Variants in NFIA observed in about 807,000 individuals in gnomAD.
NFIA encodes the protein nuclear factor I A, also known as nuclear factor 1 A-type.
A neutral mutation model predicts 62.8 loss-of-function variants in NFIA; 8 were observed. The observed-to-expected ratio is 0.13, with a 90% CI of 0.07 to 0.23. The LOEUF (loss-of-function observed/expected upper bound fraction) is 0.23, where lower values mean the gene tolerates loss of function less well. Among genes scored for constraint, NFIA ranks in the 10% least tolerant of loss-of-function variants. The pLI is 1.00. For missense variants in NFIA, 410 were observed against 642.1 expected, an observed-to-expected ratio of 0.64 and a Z score of 3.91; for synonymous variants, 235 against 238.1, an observed-to-expected ratio of 0.99 and a Z score of 0.12.
intron 2 of NFIA, among the ~76,000 whole-genome samples, chr1:61,253,809 T>C (rs781654208): frequency 1.1e-4 from 16 of 152,190 alleles, no homozygotes; most frequent in Non-Finnish European, 1.9e-4. Context: ...TTGTTACTTG[T>C]CTTGGTATCT....
intron 6 of NFIA, among the ~76,000 whole-genome samples, chr1:61,381,136 G>T (rs1664391993): frequency 6.7e-6 from 1 of 149,622 alleles, no homozygotes. Context: ...TTAAAGTTTT[G>T]ATTTTTGTTT....
chr1:61,104,543 C>A (rs1176159534), intron 2 of NFIA, among the ~76,000 whole-genome samples: 1 of 151,924 alleles, frequency 6.6e-6, no homozygotes, highest in Non-Finnish European at 1.5e-5. Context: ...GTAACATAAG[C>A]CTCTCTAAGG....
chr1:61,214,998 C>G (rs1372948381), intron 2 of NFIA, among the ~76,000 whole-genome samples: 1 of 152,086 alleles, frequency 6.6e-6, no homozygotes, highest in African/African-American at 2.4e-5. Flanking sequence ...CCAGGTAGTA[C>G]TATGACAGGA....
chr1:61,271,616 GA>G (rs1657511141), intron 2 of NFIA, among the ~76,000 whole-genome samples: 2 of 152,186 alleles, frequency 1.3e-5, no homozygotes, highest in Non-Finnish European at 2.9e-5. Flanking sequence ...GCTGCTGCAG[GA>G]ACACAGACCT....
intron 2 of NFIA, among the ~76,000 whole-genome samples, chr1:61,117,381 A>G (rs892576776): frequency 6.6e-6 from 1 of 152,136 alleles, no homozygotes; most frequent in African/African-American, 2.4e-5. Flanking sequence ...GGATTGTGAT[A>G]TAGGATTAAC....
intron 2 of NFIA, among the ~76,000 whole-genome samples, chr1:61,102,216 T>G (rs955670096): frequency 2.6e-5 from 4 of 152,216 alleles, no homozygotes; most frequent in African/African-American, 9.6e-5. Context: ...TAGGACATCA[T>G]GAAATTCAAG....
intron 2 of NFIA, among the ~76,000 whole-genome samples, chr1:61,166,173 T>A (rs1243594532): frequency 6.6e-6 from 1 of 152,128 alleles, no homozygotes; most frequent in African/African-American, 2.4e-5. Flanking sequence ...AAGAAAAGAG[T>A]AGGGAAACCT....
chr1:61,201,211 G>A (rs972396380), intron 2 of NFIA, among the ~76,000 whole-genome samples: 16 of 152,158 alleles, frequency 1.1e-4, no homozygotes, highest in African/African-American at 3.9e-4. Context: ...CCTATCTATG[G>A]AAAATATAAT....
intron 2 of NFIA, among the ~76,000 whole-genome samples, chr1:61,224,393 T>G (rs150768083): frequency 6.6e-6 from 1 of 152,314 alleles, no homozygotes; most frequent in East Asian, 1.9e-4. Context: ...TGACGCACAT[T>G]AATATATTAG....
chr1:61,433,631 C>A (rs1667201964), intron 10 of NFIA, among the ~76,000 whole-genome samples: 1 of 152,010 alleles, frequency 6.6e-6, no homozygotes, highest in African/African-American at 2.4e-5. Flanking sequence ...TAATGAATAC[C>A]TAACAAATGA....
chr1:61,184,702 C>T (rs1156942622), intron 2 of NFIA, among the ~76,000 whole-genome samples: 3 of 152,264 alleles, frequency 2.0e-5, no homozygotes, highest in Non-Finnish European at 2.9e-5. Flanking sequence ...TGATAGGAGC[C>T]GTGCTCCAAG....
intron 2 of NFIA, among the ~76,000 whole-genome samples, chr1:61,211,203 A>G (rs893004389): frequency 1.3e-5 from 2 of 152,166 alleles, no homozygotes; most frequent in Non-Finnish European, 2.9e-5. Flanking sequence ...CCTGAATCGC[A>G]TATATTAACT....
In NFIA at chr1:61,217,303, C is replaced by T. The variant is rs1043785139; in HGVS notation, c.560-60217C>T. Among the ~76,000 whole-genome samples, 60 of 151,484 alleles carry T rather than the reference C, an allele frequency of 4.0e-4. 1 individual carries two copies. Among genetic ancestry groups the T allele is most frequent in the Non-Finnish European group, 7.2e-4 (49 of 67,912 alleles). On this transcript the variant is annotated intron_variant, in intron 2 of 10. Coordinates refer to ENST00000403491, the MANE Select transcript of NFIA (RefSeq NM_001134673.4). The stretch of plus-strand genomic sequence containing the variant: ...CAGGCTGGTCTTGAACTCCTGATCT[C>T]GTGATCCACCCACCTTGGCCTCCCA...
chr1:61,137,269 A>AT (rs1647213806), intron 2 of NFIA, among the ~76,000 whole-genome samples: 1 of 152,156 alleles, frequency 6.6e-6, no homozygotes, highest in African/African-American at 2.4e-5. Flanking sequence ...TTACCATCTC[A>AT]TTTAATATTG....
intron 2 of NFIA, among the ~76,000 whole-genome samples, chr1:61,091,245 G>T (rs531357928): frequency 4.0e-5 from 6 of 151,786 alleles, no homozygotes; most frequent in Non-Finnish European, 8.8e-5. Context: ...TGAAATTTGT[G>T]TGTAATAATT....
At chr1:61,140,407 A>G (rs534910777) in intron 2 of NFIA, among the ~76,000 whole-genome samples, 1 of 151,450 alleles carries the variant, frequency 6.6e-6, no homozygotes, top group African/African-American at 2.4e-5. Flanking sequence ...AAGCTAGTAT[A>G]CAGTGTCCCA....
chr1:61,379,998 G>A (rs1664340185), intron 6 of NFIA, among the ~76,000 whole-genome samples: 1 of 152,082 alleles, frequency 6.6e-6, no homozygotes, highest in Non-Finnish European at 1.5e-5. Flanking sequence ...TCCCATATAT[G>A]TTTGCCCTTG....
At chr1:61,443,876 T>C (rs1395906691) in intron 10 of NFIA, among the ~76,000 whole-genome samples, 2 of 152,168 alleles carry the variant, frequency 1.3e-5, no homozygotes, top group Non-Finnish European at 1.5e-5. Context: ...AGCCAGGAAA[T>C]CAGCTCTCTC....
chr1:61,383,331 A>G lies in NFIA; in HGVS notation c.1041A>G (p.Thr347=), dbSNP rs1664516534. The G allele has an allele frequency of 6.2e-7, 1 of 1,613,866 alleles. No individual in the cohort carries two copies. Among genetic ancestry groups the G allele is most frequent in the Non-Finnish European group, 8.5e-7 (1 of 1,179,908 alleles). ...CCTCCTCCCTGGGAACGGCGTTCACACAGCATCACCGACCTGTCATTACAG... is the reference window on the plus strand; with the variant it reads ...CCTCCTCCCTGGGAACGGCGTTCACGCAGCATCACCGACCTGTCATTACAG... ...SQTSSLGTAF[T]QHHRPVITGP... is the part of the protein sequence containing the mutation. Residue 347 remains threonine, a synonymous_variant, in exon 7 of 11, where the codon ACA becomes ACG. Coordinates refer to ENST00000403491, the MANE Select transcript of NFIA (RefSeq NM_001134673.4).
Sources: gnomAD v4.1 joint callset for allele counts (sites outside exome capture counted in the v4.1 genomes callset) on GRCh38, gnomAD v4.1.1 for gene constraint, MANE v1.5 for transcripts, NCBI Gene and HGNC (gene_info 2026-07-23, HGNC 2026-07-21) for gene names.